The following SERP2 variants were observed in gnomAD, a reference collection of about 807,000 sequenced individuals.
SERP2 encodes the protein stress-associated endoplasmic reticulum protein 2.
In SERP2, 6 loss-of-function variants were observed where a neutral mutation model predicts 9.1. That is an observed-to-expected ratio of 0.66 (90% confidence interval 0.36 to 1.30). The LOEUF (loss-of-function observed/expected upper bound fraction) is 1.30. Ranked by LOEUF, SERP2 falls within the 50% of genes most tolerant of loss-of-function variation. The probability of loss-of-function intolerance (pLI) is 0.03; values close to 1 mark genes in which losing one functional copy is unlikely to be tolerated. For synonymous variants in SERP2, 37 were observed against 27.3 expected (o/e 1.35, Z -1.10); for missense variants, 58 against 81.9 (o/e 0.71, Z 1.13).
At chr13:44,377,485 G>C (rs1324018213) in intron 1 of SERP2, among the ~76,000 whole-genome samples, 1 of 152,156 alleles carries the variant, frequency 6.6e-6, no homozygotes, top group African/African-American at 2.4e-5. Context: ...ACTTGGCCTG[G>C]CCTTAAGGGC....
At chr13:44,390,296 T>TCG in intron 2 of SERP2, 2 of 188,776 alleles carry the variant, frequency 1.1e-5, no homozygotes, top group South Asian at 5.1e-5. Flanking sequence ...GCCACCGGTG[T>TCG]CCCCACCCAC....
At chr13:44,381,413 G>A (rs954332129) in intron 2 of SERP2, among the ~76,000 whole-genome samples, 41 of 151,370 alleles carry the variant, frequency 2.7e-4, no homozygotes, top group African/African-American at 6.1e-4. Flanking sequence ...ATGGTGGCAC[G>A]CGCCTGTAGT....
At chr13:44,388,979 C>T (rs1432646587) in intron 2 of SERP2, among the ~76,000 whole-genome samples, 1 of 152,228 alleles carries the variant, frequency 6.6e-6, no homozygotes, top group African/African-American at 2.4e-5. Flanking sequence ...CAAAGAGACA[C>T]TCTTTTCAGT....
Position 44,388,835 on chromosome 13 carries a change from T to C in SERP2, c.158-8437T>C, listed in dbSNP as rs143764147. 4.3e-4 allele frequency among the ~76,000 whole-genome samples: 66 copies of C among 152,310 alleles called. No individual in the cohort carries two copies. In the East Asian group the frequency reaches 9.1e-3, roughly 21 times the overall value. On this transcript the variant is annotated intron_variant, in intron 2 of 2. Transcript: ENST00000379179. ...TTTGGATGGTCCAGGTCTCTCCCTGTATGAATGTGCTGGAGGCCTCTCCAT... is the reference window on the plus strand; with the variant it reads ...TTTGGATGGTCCAGGTCTCTCCCTGCATGAATGTGCTGGAGGCCTCTCCAT...
intron 2 of SERP2, among the ~76,000 whole-genome samples, chr13:44,388,279 TG>T (rs1872437583): frequency 2.7e-3 from 1 of 372 alleles, no homozygotes; most frequent in African/African-American, 0.011. Context: ...TGGGTTTTTT[TG>T]TGTGTGTGTT....
At chr13:44,377,635 G>A (rs1419082940) in intron 1 of SERP2, among the ~76,000 whole-genome samples, 1 of 152,248 alleles carries the variant, frequency 6.6e-6, no homozygotes, top group African/African-American at 2.4e-5. Context: ...CAAGGACAGA[G>A]AAGTGAATGT....
chr13:44,385,165 T>C (rs1204232852), intron 2 of SERP2, among the ~76,000 whole-genome samples: 1 of 152,238 alleles, frequency 6.6e-6, no homozygotes, highest in Non-Finnish European at 1.5e-5. Context: ...ACCCCTTTCT[T>C]ATAGACAGTT....
chr13:44,384,007 C>A (rs908437321), intron 2 of SERP2, among the ~76,000 whole-genome samples: 1 of 152,130 alleles, frequency 6.6e-6, no homozygotes, highest in African/African-American at 2.4e-5. Context: ...TGGGCCTCAT[C>A]TCTTTTTTAA....
chr13:44,397,150 T>C (rs954449272), intron 2 of SERP2, 122 bp from the exon 3 acceptor site: 9 of 756,958 alleles, frequency 1.2e-5, no homozygotes, highest in South Asian at 6.2e-5. Flanking sequence ...TTAGGAAATA[T>C]CTAATCAGCT....
chr13:44,373,912 A>T lies in SERP2; in HGVS notation c.-114A>T. 1 of 977,184 alleles carries T rather than the reference A, an allele frequency of 1.0e-6. No homozygotes were observed. Among genetic ancestry groups the T allele is most frequent in the Non-Finnish European group, 1.5e-6 (1 of 651,734 alleles). The allele number at this position is 977,184 out of a possible 1,614,324, so 60.5% of individuals were successfully genotyped here. On this transcript the variant is annotated 5_prime_UTR_variant, in exon 1 of 3. Transcript: ENST00000379179. This position sits in a 1 kb window ranked among gnomAD's most constrained non-coding sequence, Gnocchi z 4.8. ...GCAGGGCTCGGGGCCACGCCTTGCC[A>T]CCTGCAGCGCCCGGGTGGGCCGCGG...
intron 2 of SERP2, among the ~76,000 whole-genome samples, chr13:44,390,004 TA>T (rs1304316264): frequency 1.3e-5 from 2 of 152,202 alleles, no homozygotes; most frequent in African/African-American, 4.8e-5. Context: ...GTGAGAGAGA[TA>T]GTCCCCTAAC....
chr13:44,380,903 T>C (rs1871932224), intron 2 of SERP2, among the ~76,000 whole-genome samples: 1 of 152,196 alleles, frequency 6.6e-6, no homozygotes, highest in South Asian at 2.1e-4. Context: ...GTTGTTCAGA[T>C]TTGAACTCCT....
intron 2 of SERP2, among the ~76,000 whole-genome samples, chr13:44,391,362 A>G (rs1223040966): frequency 1.3e-5 from 2 of 152,188 alleles, no homozygotes; most frequent in African/African-American, 4.8e-5. Flanking sequence ...GAGGTTTTTA[A>G]AATGTAATTT....
At chr13:44,376,360 A>G (rs1457009799) in intron 1 of SERP2, among the ~76,000 whole-genome samples, 2 of 152,242 alleles carry the variant, frequency 1.3e-5, no homozygotes, top group East Asian at 3.8e-4. Context: ...CCAACTGAAA[A>G]TTCAGACTAA....
intron 2 of SERP2, among the ~76,000 whole-genome samples, chr13:44,396,806 G>A (rs1246494399): frequency 6.6e-6 from 1 of 152,260 alleles, no homozygotes; most frequent in Non-Finnish European, 1.5e-5. Flanking sequence ...GCAGACAGAG[G>A]CCGGGCCCCG....
chr13:44,397,710 C>T lies in SERP2; in HGVS notation c.*398C>T. On this transcript the variant is annotated 3_prime_UTR_variant, in exon 3 of 3. Coordinates refer to ENST00000379179, the MANE Select transcript of SERP2 (RefSeq NM_001010897.3). ...TTTACAAATAAATGTCTTCGTTCAA[C>T]CTTATACCATGTGTGGGTTACAGTG... 4.6e-6 allele frequency: 1 copy of T among 218,564 alleles called. No individual in the cohort carries two copies. Among genetic ancestry groups the T allele is most frequent in the Admixed American group, 5.4e-5 (1 of 18,394 alleles). 13.5% of individuals were successfully genotyped at this position (218,564 alleles called of 1,614,324 possible). A position where few individuals can be genotyped will look rare whatever the true frequency, so the allele number is the denominator to read the frequency against.
In SERP2 at chr13:44,397,268, T is replaced by C. The variant is rs764733985; in HGVS notation, c.158-4T>C. The C allele has an allele frequency of 6.2e-7, 1 of 1,613,682 alleles. No individual in the cohort carries two copies. The highest frequency in any genetic ancestry group is 8.5e-7 in the Non-Finnish European group (1 of 1,179,612). On this transcript the variant is annotated splice_region_variant and splice_polypyrimidine_tract_variant and intron_variant, in intron 2 of 2. Transcript: ENST00000379179. ...TCTGAGCTGTGGTGTTTTCCTCTTTTCAGCTATCTTTCAGATCATTCAGAG... is the reference window on the plus strand; with the variant it reads ...TCTGAGCTGTGGTGTTTTCCTCTTTCCAGCTATCTTTCAGATCATTCAGAG...
intron 2 of SERP2, among the ~76,000 whole-genome samples, chr13:44,394,160 C>T (rs1284988207): frequency 2.0e-5 from 3 of 151,868 alleles, no homozygotes; most frequent in Non-Finnish European, 2.9e-5. Flanking sequence ...TTTTTTGAGA[C>T]GGAGTCTTGC....
chr13:44,383,081 G>A (rs1448947595), intron 2 of SERP2, among the ~76,000 whole-genome samples: 11 of 152,168 alleles, frequency 7.2e-5, no homozygotes, highest in Admixed American at 7.2e-4. Flanking sequence ...CGGTGGCATG[G>A]TGGCTTCAGA....
Sources: gnomAD v4.1 joint callset for allele counts (sites outside exome capture counted in the v4.1 genomes callset) on GRCh38, gnomAD v4.1.1 for gene constraint, Gnocchi (gnomAD v3.1) non-coding constraint, MANE v1.5 for transcripts, NCBI Gene and HGNC (gene_info 2026-07-23, HGNC 2026-07-21) for gene names.